Variants in IL27RA observed in about 807,000 individuals in gnomAD.
IL27RA encodes the protein interleukin-27 receptor subunit alpha.
Under a neutral mutation model 80.8 loss-of-function variants are expected in IL27RA, and 61 were observed. The ratio of observed to expected loss-of-function variants is 0.76; its 90% CI spans 0.61 to 0.93. The LOEUF (loss-of-function observed/expected upper bound fraction) is 0.93. Among genes scored for constraint, IL27RA ranks in the 40% least tolerant of loss-of-function variants. IL27RA has a pLI of 0.00. For synonymous variants in IL27RA, 316 were observed against 332.5 expected (o/e 0.95, Z 0.54); for missense variants, 735 against 808.1 (o/e 0.91, Z 1.10).
intron 6 of IL27RA, among the ~76,000 whole-genome samples, chr19:14,044,637 G>T (rs542375912): frequency 3.9e-5 from 6 of 152,070 alleles, no homozygotes; most frequent in African/African-American, 1.5e-4. Flanking sequence ...GGTTAGGGAG[G>T]TGAGCAGGGT....
At chr19:14,034,663 A>G (rs1305580470) in intron 2 of IL27RA, among the ~76,000 whole-genome samples, 2 of 144,648 alleles carry the variant, frequency 1.4e-5, no homozygotes, top group African/African-American at 2.6e-5. Context: ...CTGTCTAAAA[A>G]AAAAAAAAGG....
At position 14,051,699 on chromosome 19, in the gene IL27RA, A is replaced by C. The variant is rs1402613990; in HGVS notation, c.1621A>C (p.Arg541=). Residue 541 remains arginine (R), a splice_region_variant and synonymous_variant, in exon 12 of 14, where the codon AGG becomes CGG. Transcript: ENST00000263379. ...GCGLSLATSG[R]CYHLRHKVLP... is the part of the protein sequence containing the mutation. ...TGGCCTGAGCCTGGCCACCTCTGGA[A>C]GGTGAGGCTGTCGGATACATGCATC... 3 of 1,600,136 alleles carry C rather than the reference A, an allele frequency of 1.9e-6. No individual in the cohort carries two copies. In the African/African-American group the frequency reaches 4.0e-5, roughly 22 times the overall value.
intron 6 of IL27RA, among the ~76,000 whole-genome samples, chr19:14,043,041 C>T (rs546741414): frequency 2.0e-5 from 3 of 152,094 alleles, no homozygotes; most frequent in Middle Eastern, 3.4e-3. Context: ...ACTCTGGAGG[C>T]TGAGGCAGAA....
Position 14,039,831 on chromosome 19 carries a change from C to T in IL27RA, c.455C>T (p.Ala152Val), listed in dbSNP as rs746004197. The stretch of plus-strand genomic sequence containing the variant: ...CCCCTGGAGGCCACTGTCCATTGGG[C>T]CCCACCTACATGGCCATCTCATAAA... Reference protein sequence around the residue: ...DDPLEATVHWAPPTWPSHKVL... With the variant: ...DDPLEATVHWVPPTWPSHKVL... Residue 152 changes from alanine (A) to valine (V), a missense_variant, in exon 4 of 14, where the codon GCC (alanine) becomes GTC (valine). Ala to Val is a moderately conservative substitution (Grantham distance 64). Transcript: ENST00000263379. 1 of 1,614,112 alleles carries T rather than the reference C, an allele frequency of 6.2e-7. No individual in the cohort carries two copies. Among genetic ancestry groups the T allele is most frequent in the Non-Finnish European group, 8.5e-7 (1 of 1,179,972 alleles).
chr19:14,051,796 G>A (rs1976169763), intron 12 of IL27RA, 84 bp from the exon 13 acceptor site: 9 of 1,410,616 alleles, frequency 6.4e-6, no homozygotes, highest in South Asian at 2.4e-5. Flanking sequence ...GCCTCAGGGC[G>A]CAGTCACATT....
rs1237910359 is a variant in IL27RA, at chr19:14,034,948, G to A, written c.218+2445G>A. Among the ~76,000 whole-genome samples the A allele has an allele frequency of 1.0e-3, 14 of 13,914 alleles. No homozygotes were observed. The East Asian group carries it at 0.032, about 32-fold the overall frequency. The allele number at this position is 13,914 out of a possible 152,430, so 9.1% of individuals were successfully genotyped here. A position where few individuals can be genotyped will look rare whatever the true frequency, so the allele number is the denominator to read the frequency against. On this transcript the variant is annotated intron_variant, in intron 2 of 13. Transcript: ENST00000263379. ...AGCCTGGGCAACAGAGCGAGACTCC[G>A]TCTCAAAAAAAAAAAAAATTCATAC...
chr19:14,044,659 G>A (rs1275842438), intron 6 of IL27RA, among the ~76,000 whole-genome samples: 2 of 152,036 alleles, frequency 1.3e-5, no homozygotes, highest in Non-Finnish European at 2.9e-5. Context: ...GGGTCACACA[G>A]GTGCAGGATC....
rs758946711 is a variant in IL27RA, at chr19:14,039,615, A to G, written c.326A>G (p.Lys109Arg). The change falls in exon 3 of 14, where the codon AAG becomes AGG. Residue 109 changes from lysine to arginine, a missense_variant. Coordinates refer to ENST00000263379, the MANE Select transcript of IL27RA (RefSeq NM_004843.4). ...MSDKLLVWGT[K>R]AGQPLWPPVF... ...GACAAACTCCTTGTCTGGGGCACTA[A>G]GGCAGGCCAGCCTCTCTGGCCCCCC... 21 of 1,613,998 alleles carry G rather than the reference A, an allele frequency of 1.3e-5. No homozygotes were observed. The South Asian group carries it at 2.2e-4, about 17-fold the overall frequency.
At chr19:14,048,875 A>T in intron 8 of IL27RA, 106 bp from the exon 9 acceptor site, 1 of 951,546 alleles carries the variant, frequency 1.1e-6, no homozygotes, top group Non-Finnish European at 1.7e-6. Context: ...TTACAGTCAG[A>T]TCCTTATCTC....
intron 2 of IL27RA, among the ~76,000 whole-genome samples, chr19:14,035,772 G>A (rs1975888746): frequency 6.6e-6 from 1 of 151,892 alleles, no homozygotes; most frequent in Admixed American, 6.6e-5. Context: ...TAGTTTTATT[G>A]ATTTATGTAT....
chr19:14,049,120 C>G, intron 9 of IL27RA, 36 bp from the exon 10 acceptor site: 1 of 1,612,678 alleles, frequency 6.2e-7, no homozygotes, highest in Non-Finnish European at 8.5e-7. Flanking sequence ...GCTTCTGTAA[C>G]CCAGGCCGAC....
In IL27RA at chr19:14,039,770, C is replaced by CG; in HGVS notation, c.396dup (p.Leu133AlafsTer4). 1 of 1,613,966 alleles carries CG rather than the reference C, an allele frequency of 6.2e-7. No homozygotes were observed. The highest frequency in any genetic ancestry group is 1.1e-5 in the South Asian group (1 of 91,052). On this transcript the variant is annotated frameshift_variant, in exon 4 of 14. Transcript: ENST00000263379. LOFTEE classifies it high-confidence loss of function. ...TTCCCCAGTGAAGCCAAACGCCCCC[C>CG]GGCTGGGCCCTGACGTGGACTTTTC...
In IL27RA at chr19:14,031,921, C is replaced by T; in HGVS notation, c.49C>T (p.Leu17=). 1 of 1,608,740 alleles carries T rather than the reference C, an allele frequency of 6.2e-7. No individual in the cohort carries two copies. The highest frequency in any genetic ancestry group is 1.3e-5 in the African/African-American group (1 of 74,976). The change falls in exon 1 of 14, where the codon CTG becomes TTG. Residue 17 remains leucine, a synonymous_variant. Transcript: ENST00000263379. ...TTTCTGGCTGTGGCCGCTGCCCAAG[C>T]TGGCGCTGCTGCCTCTGTTGTGGGT... ...APFWLWPLPK[L]ALLPLLWVLF... is the part of the protein sequence containing the mutation.
chr19:14,049,274 G>C lies in IL27RA; in HGVS notation c.1362G>C (p.Leu454Phe), dbSNP rs757038927. 1.2e-6 allele frequency: 2 copies of C among 1,614,024 alleles called. No homozygotes were observed. Among genetic ancestry groups the C allele is most frequent in the Non-Finnish European group, 1.7e-6 (2 of 1,180,036 alleles). Reference sequence around the variant, plus strand: ...GAGGCCACCTCACCCACTACACCTTGTGTGCACAGAGTGGAACCAGCCCCT... The same window carrying C: ...GAGGCCACCTCACCCACTACACCTTCTGTGCACAGAGTGGAACCAGCCCCT... The part of the protein sequence containing the change: ...QLRGHLTHYT[L>F]CAQSGTSPSV... Residue 454 changes from leucine (L) to phenylalanine (F), a missense_variant, in exon 10 of 14, where the codon TTG (leucine) becomes TTC (phenylalanine). Coordinates refer to ENST00000263379, the MANE Select transcript of IL27RA (RefSeq NM_004843.4).
intron 4 of IL27RA, among the ~76,000 whole-genome samples, chr19:14,041,549 A>G (rs924325050): frequency 2.6e-5 from 4 of 152,154 alleles, no homozygotes; most frequent in Non-Finnish European, 4.4e-5. Flanking sequence ...GCTCCAGCAC[A>G]CCAGCTCTGT....
rs370847073 is a variant in IL27RA, at chr19:14,047,605, C to T, written c.1141+987C>T. ...CTCCTGACCTCAAGAGATCCACCCG[C>T]ATTGGCCTCCCAAAATGATGGGATG... On this transcript the variant is annotated intron_variant, in intron 8 of 13. Coordinates refer to ENST00000263379, the MANE Select transcript of IL27RA (RefSeq NM_004843.4). Among the ~76,000 whole-genome samples, 3 of 151,086 alleles carry T rather than the reference C, an allele frequency of 2.0e-5. No individual in the cohort carries two copies. In the East Asian group the frequency reaches 5.9e-4, roughly 30 times the overall value.
chr19:14,043,008 C>A (rs2420413), intron 6 of IL27RA, among the ~76,000 whole-genome samples: 1,631 of 151,404 alleles, frequency 0.011, 31 homozygotes, highest in African/African-American at 0.035. Flanking sequence ...GGGGAGTGGT[C>A]GTGGGCGCCT....
chr19:14,039,942 A>T, intron 4 of IL27RA, 32 bp downstream of exon 4: 5 of 1,605,960 alleles, frequency 3.1e-6, no homozygotes, highest in Non-Finnish European at 3.4e-6. Context: ...TCCCCACCCT[A>T]TTCCGGGCGG....
At chr19:14,038,889 GA>G (rs371517796) in intron 2 of IL27RA, among the ~76,000 whole-genome samples, 2,800 of 101,066 alleles carry the variant, frequency 0.028, 79 homozygotes, top group African/African-American at 0.093. Flanking sequence ...TGTCTCAAAA[GA>G]AAAAAAAAAG....
Sources: gnomAD v4.1 joint callset for allele counts (sites outside exome capture counted in the v4.1 genomes callset) on GRCh38, gnomAD v4.1.1 for gene constraint, MANE v1.5 for transcripts, NCBI Gene and HGNC (gene_info 2026-07-23, HGNC 2026-07-21) for gene names.